The following DOCK8 variants were observed in gnomAD, a reference collection of about 807,000 sequenced individuals.
DOCK8 encodes dedicator of cytokinesis 8.
DOCK8 carries 141 observed loss-of-function variants against 245.6 expected under a neutral mutation model. That is an observed-to-expected ratio of 0.57 (90% CI 0.50 to 0.66). The LOEUF is 0.66. DOCK8 is among the 30% of genes least tolerant of loss of function. The pLI, the probability that DOCK8 is intolerant of heterozygous loss-of-function variation, is 0.00. For missense variants in DOCK8, 2,965 were observed against 2,603.4 expected (o/e 1.14, Z -3.02); for synonymous variants, 1,168 against 970.2 (o/e 1.20, Z -3.79).
At chr9:298,410 G>A (rs999648874) in intron 4 of DOCK8, among the ~76,000 whole-genome samples, 1 of 152,176 alleles carries the variant, frequency 6.6e-6, no homozygotes, top group African/African-American at 2.4e-5. Flanking sequence ...GGGTGAAGGA[G>A]CCAGACTCTG....
intron 30 of DOCK8, among the ~76,000 whole-genome samples, chr9:418,469 T>C (rs1586974217): frequency 1.3e-5 from 2 of 152,200 alleles, no homozygotes; most frequent in Admixed American, 1.3e-4. Context: ...GGTTTCGCCA[T>C]GTTGGCCAGG....
At position 376,114 on chromosome 9, in the gene DOCK8, A is replaced by T. The variant is rs4291327; in HGVS notation, c.2110-96A>T. On this transcript the variant is annotated intron_variant, in intron 18 of 47. Transcript: ENST00000432829. ...TTTCAAGAGAGTTCTGTATTTGTATAACCCTGACATTTCCAGTCAAGTTGG... is the reference window on the plus strand; with the variant it reads ...TTTCAAGAGAGTTCTGTATTTGTATTACCCTGACATTTCCAGTCAAGTTGG... The T allele has an allele frequency of 2.4e-3, 2,121 of 884,524 alleles. 49 individuals are homozygous for T. In the East Asian group the frequency reaches 0.047, roughly 19 times the overall value. The allele number at this position is 884,524 out of a possible 1,614,324, so 54.8% of individuals were successfully genotyped here.
chr9:346,158 A>T (rs2051874225), intron 14 of DOCK8, among the ~76,000 whole-genome samples: 1 of 152,086 alleles, frequency 6.6e-6, no homozygotes, highest in Non-Finnish European at 1.5e-5. Flanking sequence ...AGAGCAGAAC[A>T]GCTGGAAAAA....
At chr9:231,834 C>A (rs1029529477) in intron 1 of DOCK8, among the ~76,000 whole-genome samples, 1 of 152,200 alleles carries the variant, frequency 6.6e-6, no homozygotes, top group Non-Finnish European at 1.5e-5. Flanking sequence ...TAAATCATGT[C>A]ATCTGCAAAC....
chr9:240,302 T>G (rs900856037), intron 1 of DOCK8, among the ~76,000 whole-genome samples: 1 of 152,074 alleles, frequency 6.6e-6, no homozygotes, highest in Non-Finnish European at 1.5e-5. Flanking sequence ...AACCCATTAT[T>G]ATGATTGAGT....
At chr9:405,116 T>C in intron 27 of DOCK8, 43 bp downstream of exon 27, 1 of 1,555,380 alleles carries the variant, frequency 6.4e-7, no homozygotes, top group Non-Finnish European at 8.8e-7. Flanking sequence ...TTCAAGCTAT[T>C]TCATTTAACT....
chr9:354,932 C>G (rs766403005), intron 14 of DOCK8, among the ~76,000 whole-genome samples: 1 of 152,172 alleles, frequency 6.6e-6, no homozygotes, highest in Non-Finnish European at 1.5e-5. Flanking sequence ...ACTTTTGTCA[C>G]TACATCAGAA....
intron 1 of DOCK8, among the ~76,000 whole-genome samples, chr9:240,812 C>T (rs903102882): frequency 5.9e-5 from 9 of 152,008 alleles, no homozygotes; most frequent in Non-Finnish European, 5.9e-5. Flanking sequence ...TCTGTAAGTG[C>T]GTAAACTAAT....
chr9:242,320 A>C (rs1241713030), intron 1 of DOCK8, among the ~76,000 whole-genome samples: 1 of 151,938 alleles, frequency 6.6e-6, no homozygotes, highest in Non-Finnish European at 1.5e-5. Flanking sequence ...TTTTTTCAAG[A>C]CTCTGTTTTA....
At chr9:407,191 A>G in intron 28 of DOCK8, 122 bp downstream of exon 28, 1 of 1,428,288 alleles carries the variant, frequency 7.0e-7, no homozygotes, top group Non-Finnish European at 9.6e-7. Flanking sequence ...AGTTCTGAGG[A>G]GTAGAAACAT....
At chr9:361,053 A>G (rs1247856037) in intron 14 of DOCK8, among the ~76,000 whole-genome samples, 1 of 152,158 alleles carries the variant, frequency 6.6e-6, no homozygotes, top group Non-Finnish European at 1.5e-5. Flanking sequence ...CTGTAGTCCT[A>G]GAAACTTAGG....
At chr9:431,844 G>A (rs1464308216) in intron 36 of DOCK8, among the ~76,000 whole-genome samples, 1 of 152,094 alleles carries the variant, frequency 6.6e-6, no homozygotes, top group Non-Finnish European at 1.5e-5. Context: ...GAAACTCTTG[G>A]CACAAAAGGA....
chr9:280,256 AAAAG>A (rs1222279112), intron 2 of DOCK8, among the ~76,000 whole-genome samples: 4 of 152,216 alleles, frequency 2.6e-5, no homozygotes, highest in Non-Finnish European at 5.9e-5. Flanking sequence ...AAAACAACTA[AAAAG>A]AAAGACTGCA....
At chr9:297,524 A>G (rs538427866) in intron 4 of DOCK8, among the ~76,000 whole-genome samples, 517 of 152,098 alleles carry the variant, frequency 3.4e-3, no homozygotes, top group Middle Eastern at 0.02. Context: ...CTACTTCCCC[A>G]TTTTTCTCCT....
At chr9:250,037 T>C (rs1034614088) in intron 1 of DOCK8, among the ~76,000 whole-genome samples, 1 of 152,270 alleles carries the variant, frequency 6.6e-6, no homozygotes, top group South Asian at 2.1e-4. Flanking sequence ...ACAGGCTTTA[T>C]AGCACAGGCT....
At chr9:251,367 A>C (rs577545766) in intron 1 of DOCK8, among the ~76,000 whole-genome samples, 10 of 151,720 alleles carry the variant, frequency 6.6e-5, no homozygotes, top group African/African-American at 1.7e-4. Context: ...GCCATTTGGA[A>C]CGTATTCCAG....
rs143340027 is a variant in DOCK8 at position 381,688 on chromosome 9, G to T, written c.2606-825G>T. On this transcript the variant is annotated intron_variant, in intron 21 of 47. Transcript: ENST00000432829. ...ACTAGTGATGTGGCTGGGTGCGGTG[G>T]TTCATGCCTGTAATCAATCCTAGCA... Among the ~76,000 whole-genome samples, 5 of 152,272 alleles carry T rather than the reference G, an allele frequency of 3.3e-5. No homozygotes were observed. In the East Asian group the frequency reaches 9.6e-4, roughly 29 times the overall value.
chr9:338,563 G>C (rs1250661804), intron 12 of DOCK8, among the ~76,000 whole-genome samples: 1 of 152,164 alleles, frequency 6.6e-6, no homozygotes, highest in Non-Finnish European at 1.5e-5. Context: ...TGTGGGGGTG[G>C]ACAGCATTTA....
chr9:383,268 C>T (rs961417854), intron 22 of DOCK8, among the ~76,000 whole-genome samples: 1 of 152,074 alleles, frequency 6.6e-6, no homozygotes, highest in Non-Finnish European at 1.5e-5. Context: ...AGCACGGTGG[C>T]TCACACCTGT....
Sources: gnomAD v4.1 joint callset for allele counts (sites outside exome capture counted in the v4.1 genomes callset) on GRCh38, gnomAD v4.1.1 for gene constraint, MANE v1.5 for transcripts, NCBI Gene and HGNC (gene_info 2026-07-23, HGNC 2026-07-21) for gene names.